The following GRM4 variants were observed in gnomAD, a reference collection of about 807,000 sequenced individuals.
GRM4 encodes glutamate metabotropic receptor 4.
In GRM4, 28 loss-of-function variants were observed where a neutral mutation model predicts 81.7. The ratio of observed to expected loss-of-function variants is 0.34; its 90% CI spans 0.25 to 0.47. GRM4 has a LOEUF of 0.47. Ranked by LOEUF, GRM4 falls within the 20% of genes least tolerant of loss-of-function variation. GRM4 has a pLI of 1.00. For synonymous variants in GRM4, 488 were observed against 528.8 expected, an observed-to-expected ratio of 0.92 and a Z score of 1.06; for missense variants, 948 against 1,290.0, an observed-to-expected ratio of 0.73 and a Z score of 4.06.
In GRM4 at chr6:34,046,706, C is replaced by T. The variant is rs539518064; in HGVS notation, c.1169-5958G>A. ...GTGCTGAGGGGTACGGCTGGGGCAG[C>T]GATAGCATCTGCTAAACATGCACTC... On this transcript the variant is annotated intron_variant, in intron 6 of 10. Coordinates refer to ENST00000538487, the MANE Select transcript of GRM4 (RefSeq NM_000841.4). Among the ~76,000 whole-genome samples, 15 of 152,266 alleles carry T rather than the reference C, an allele frequency of 9.9e-5. No individual in the cohort carries two copies. The East Asian group carries it at 2.9e-3, about 29-fold the overall frequency.
chr6:34,097,429 CTGTGTGTGTGTGTG>C (rs759998974), intron 2 of GRM4, among the ~76,000 whole-genome samples: 1 of 35,332 alleles, frequency 2.8e-5, no homozygotes, highest in Non-Finnish European at 6.5e-5. Context: ...GTGTGCATGC[CTGTGTGTGTGTGTG>C]TGTGTGTGCG....
At chr6:34,112,766 G>A (rs1769438969) in intron 2 of GRM4, among the ~76,000 whole-genome samples, 1 of 151,902 alleles carries the variant, frequency 6.6e-6, no homozygotes, top group Non-Finnish European at 1.5e-5. Context: ...CCCTTGCCTG[G>A]GGCTCAGGGC....
rs1192700987 is a variant in GRM4, at chr6:34,069,404, G to T, written c.737-7376C>A. On this transcript the variant is annotated intron_variant, in intron 3 of 10. Transcript: ENST00000538487. This position sits in a 1 kb window ranked among gnomAD's most constrained non-coding sequence, Gnocchi z 6.4. ...TGTTGTGGCCAGAGGGGGTTTCAAG[G>T]TAAGAAGGACACCAGGCCCCAGCAA... is the stretch of plus-strand genomic sequence containing the variant. 6.6e-6 allele frequency among the ~76,000 whole-genome samples: 1 copy of T among 152,142 alleles called. No individual in the cohort carries two copies. The highest frequency in any genetic ancestry group is 1.5e-5 in the Non-Finnish European group (1 of 68,014).
intron 3 of GRM4, among the ~76,000 whole-genome samples, chr6:34,077,207 G>A (rs572310074): frequency 1.1e-4 from 16 of 152,234 alleles, no homozygotes; most frequent in Non-Finnish European, 1.8e-4. Flanking sequence ...GAGGTAGGGT[G>A]CAGCTGTCCA....
At position 34,035,653 on chromosome 6, in the gene GRM4, G is replaced by A; in HGVS notation, c.2442+15C>T. 2 of 1,493,980 alleles carry A rather than the reference G, an allele frequency of 1.3e-6. No individual in the cohort carries two copies. The highest frequency in any genetic ancestry group is 1.8e-6 in the Non-Finnish European group (2 of 1,087,638). The allele number at this position is 1,493,980 out of a possible 1,614,324, so 92.5% of individuals were successfully genotyped here. On this transcript the variant is annotated intron_variant, in intron 9 of 10. Coordinates refer to ENST00000538487, the MANE Select transcript of GRM4 (RefSeq NM_000841.4). The surrounding 1 kb of genome is among the most constrained non-coding windows in gnomAD (Gnocchi z 6.6). ...CTCACCTACCCACCGTCCACCCCCGGCCCCCACCACTCACCTTGTCGGCCG... is the reference window on the plus strand; with the variant it reads ...CTCACCTACCCACCGTCCACCCCCGACCCCCACCACTCACCTTGTCGGCCG...
chr6:34,050,189 G>A (rs1581619088), intron 6 of GRM4, among the ~76,000 whole-genome samples: 1 of 152,250 alleles, frequency 6.6e-6, no homozygotes, highest in East Asian at 1.9e-4. Flanking sequence ...CTTTGCACTT[G>A]CTGAGCGCTG....
At chr6:34,154,274 G>C (rs563155076) in intron 1 of GRM4, among the ~76,000 whole-genome samples, 2 of 152,288 alleles carry the variant, frequency 1.3e-5, no homozygotes, top group East Asian at 3.9e-4. Context: ...TCCCCTCACC[G>C]CGGTCCTGCT....
upstream of GRM4, among the ~76,000 whole-genome samples, chr6:34,146,591 C>T (rs1395974196): frequency 1.3e-5 from 2 of 152,196 alleles, no homozygotes; most frequent in East Asian, 3.8e-4. Flanking sequence ...ACTGCAGAAG[C>T]GGCTTCAATT....
intron 2 of GRM4, among the ~76,000 whole-genome samples, chr6:34,106,769 C>A (rs1437551466): frequency 2.0e-5 from 3 of 152,232 alleles, no homozygotes; most frequent in African/African-American, 4.8e-5. Context: ...CTGCTAGAGC[C>A]CCAGGACTTA....
intron 2 of GRM4, among the ~76,000 whole-genome samples, chr6:34,096,707 C>A (rs372007957): frequency 6.6e-6 from 1 of 152,110 alleles, no homozygotes; most frequent in Non-Finnish European, 1.5e-5. Flanking sequence ...TGGAGTGACA[C>A]GCAGTGTGCC....
chr6:34,058,900 G>T (rs1766032782), intron 5 of GRM4, 74 bp downstream of exon 5: 25 of 1,171,692 alleles, frequency 2.1e-5, no homozygotes, highest in Non-Finnish European at 2.9e-5. Flanking sequence ...AGCAGAAGGG[G>T]AAGGAAGCCG....
intron 6 of GRM4, among the ~76,000 whole-genome samples, chr6:34,045,587 G>A (rs906365043): frequency 6.6e-6 from 1 of 152,212 alleles, no homozygotes; most frequent in Non-Finnish European, 1.5e-5. Flanking sequence ...TTTAGCCGCT[G>A]ACCTGCCTCC....
intron 2 of GRM4, among the ~76,000 whole-genome samples, chr6:34,128,378 T>TC (rs1342044066): frequency 6.7e-6 from 1 of 149,554 alleles, no homozygotes; most frequent in Non-Finnish European, 1.5e-5. Flanking sequence ...TTTTTTCTTT[T>TC]CTTTTTTTTT....
At chr6:34,097,475 A>G (rs961371250) in intron 2 of GRM4, among the ~76,000 whole-genome samples, 6 of 152,126 alleles carry the variant, frequency 3.9e-5, no homozygotes, top group Admixed American at 6.5e-5. Context: ...GTATCCAGGC[A>G]CACATGTGTG....
In GRM4 at chr6:34,122,335, T is replaced by C. The variant is rs190713085; in HGVS notation, c.519+10643A>G. Reference sequence around the variant, plus strand: ...ACAGAAGGAGGCAGGAAGCTGGGGATAGACAGACAGGGAAAGAGGGGACAA... The same window carrying C: ...ACAGAAGGAGGCAGGAAGCTGGGGACAGACAGACAGGGAAAGAGGGGACAA... On this transcript the variant is annotated intron_variant, in intron 2 of 10. Coordinates refer to ENST00000538487, the MANE Select transcript of GRM4 (RefSeq NM_000841.4). 1.0e-3 allele frequency among the ~76,000 whole-genome samples: 155 copies of C among 152,064 alleles called. No individual in the cohort carries two copies. The Middle Eastern group carries it at 0.01, about 10-fold the overall frequency.
chr6:34,108,676 C>T (rs377380664), intron 2 of GRM4, among the ~76,000 whole-genome samples: 35 of 152,334 alleles, frequency 2.3e-4, no homozygotes, highest in East Asian at 1.7e-3. Flanking sequence ...CTACTTCCCT[C>T]CACGCCTGCA....
At position 34,040,565 on chromosome 6, in the gene GRM4, C is replaced by T. The variant is rs765772360; in HGVS notation, c.1352G>A (p.Arg451Gln). The T allele has an allele frequency of 5.6e-6, 9 of 1,613,362 alleles. No individual in the cohort carries two copies. In the Admixed American group the frequency reaches 8.3e-5, roughly 15 times the overall value. ...VDGTQLLKYIRNVNFSGIAGN... is the reference protein window; with the variant it reads ...VDGTQLLKYIQNVNFSGIAGN... The stretch of plus-strand genomic sequence containing the variant: ...ACCCCCACCTGAGAAGTTGACGTTT[C>T]GGATGTACTTAAGCAGCTGGGTGCC... The change falls in exon 7 of 11, where the codon CGA becomes CAA. Residue 451 changes from arginine (R) to glutamine (Q), a missense_variant. Physicochemically the swap from Arg to Gln is conservative, Grantham distance 43. Transcript: ENST00000538487.
In GRM4 at chr6:34,115,780, C is replaced by G. The variant is rs796492072; in HGVS notation, c.519+17198G>C. Among the ~76,000 whole-genome samples, 78 of 152,270 alleles carry G rather than the reference C, an allele frequency of 5.1e-4. No homozygotes were observed. Among genetic ancestry groups the G allele is most frequent in the African/African-American group, 1.9e-3 (77 of 41,550 alleles). On this transcript the variant is annotated intron_variant, in intron 2 of 10. Transcript: ENST00000538487. The surrounding 1 kb of genome is among the most constrained non-coding windows in gnomAD (Gnocchi z 4.1). ...GGTTCTCACCCCAGCTCTTCAGGCT[C>G]CAGGAGAAACTGCGGACACATCACA... is the stretch of plus-strand genomic sequence containing the variant.
Position 34,078,287 on chromosome 6 carries a change from C to G in GRM4, c.736+13596G>C, listed in dbSNP as rs751871494. ...CCTTCTGCTTCTTCTCTGTCTCCCC[C>G]CAAATACACACTCTCTTCGATCATT... On this transcript the variant is annotated intron_variant, in intron 3 of 10. Coordinates refer to ENST00000538487, the MANE Select transcript of GRM4 (RefSeq NM_000841.4). This position sits in a 1 kb window ranked among gnomAD's most constrained non-coding sequence, Gnocchi z 4.8. Among the ~76,000 whole-genome samples, 15 of 152,086 alleles carry G rather than the reference C, an allele frequency of 9.9e-5. No homozygotes were observed. The highest frequency in any genetic ancestry group is 1.6e-4 in the Non-Finnish European group (11 of 68,022).
Sources: gnomAD v4.1 joint callset for allele counts (sites outside exome capture counted in the v4.1 genomes callset) on GRCh38, gnomAD v4.1.1 for gene constraint, Gnocchi (gnomAD v3.1) non-coding constraint, MANE v1.5 for transcripts, NCBI Gene and HGNC (gene_info 2026-07-23, HGNC 2026-07-21) for gene names.